TGFA: variants seen among roughly 807,000 people sequenced by gnomAD.
TGFA encodes the protein transforming growth factor alpha.
TGFA carries 12 observed loss-of-function variants against 21.7 expected under a neutral mutation model. The ratio of observed to expected loss-of-function variants is 0.55; its 90% CI spans 0.35 to 0.90. The LOEUF (loss-of-function observed/expected upper bound fraction) is 0.90. Ranked by LOEUF, TGFA falls within the 40% of genes least tolerant of loss-of-function variation. The pLI is 0.01. For synonymous variants in TGFA, 79 were observed against 88.1 expected, an observed-to-expected ratio of 0.90 and a Z score of 0.58; for missense variants, 178 against 210.8, an observed-to-expected ratio of 0.84 and a Z score of 0.96.
At chr2:70,499,808 G>A (rs1373140297) in intron 2 of TGFA, among the ~76,000 whole-genome samples, 1 of 152,200 alleles carries the variant, frequency 6.6e-6, no homozygotes, top group Non-Finnish European at 1.5e-5. Flanking sequence ...ACTGAGGAAG[G>A]ATGACCCTGG....
intron 1 of TGFA, among the ~76,000 whole-genome samples, chr2:70,537,529 A>G (rs1166723844): frequency 6.6e-6 from 1 of 152,268 alleles, no homozygotes; most frequent in Admixed American, 6.5e-5. Context: ...GTGCTACTCC[A>G]GTGAATACAC....
At chr2:70,517,267 C>A (rs910697062) in intron 1 of TGFA, among the ~76,000 whole-genome samples, 1 of 152,202 alleles carries the variant, frequency 6.6e-6, no homozygotes. Context: ...CCTTTCTATA[C>A]CCTCACGGAA....
chr2:70,523,396 G>A (rs1553502577), intron 1 of TGFA, among the ~76,000 whole-genome samples: 1 of 152,190 alleles, frequency 6.6e-6, no homozygotes, highest in African/African-American at 2.4e-5. Context: ...CAATCCAGAT[G>A]ATTGAAGCAA....
intron 1 of TGFA, among the ~76,000 whole-genome samples, chr2:70,523,325 G>A (rs782146240): frequency 5.3e-5 from 8 of 152,164 alleles, no homozygotes; most frequent in Non-Finnish European, 1.0e-4. Flanking sequence ...GTGAACGTTC[G>A]TTGTGAATGT....
chr2:70,490,251 G>A (rs1226551071), intron 2 of TGFA, among the ~76,000 whole-genome samples: 11 of 152,164 alleles, frequency 7.2e-5, no homozygotes, highest in African/African-American at 2.2e-4. Context: ...TTACCATATA[G>A]TGTCAATAAA....
chr2:70,452,036 T>C (rs1670075171), intron 5 of TGFA, among the ~76,000 whole-genome samples: 1 of 152,154 alleles, frequency 6.6e-6, no homozygotes, highest in Non-Finnish European at 1.5e-5. Flanking sequence ...AACACATATG[T>C]TCTTGGGGCT....
intron 1 of TGFA, among the ~76,000 whole-genome samples, chr2:70,519,740 AT>A (rs1456419789): frequency 6.6e-6 from 1 of 152,250 alleles, no homozygotes; most frequent in Non-Finnish European, 1.5e-5. Context: ...GCTCATAGGA[AT>A]TTTCCATATC....
At chr2:70,467,829 G>A (rs1244616172) in intron 2 of TGFA, 1 of 152,164 alleles carries the variant, frequency 6.6e-6, no homozygotes, top group Non-Finnish European at 1.5e-5. Context: ...ATAATTCCAG[G>A]GGGGAAAAGC....
intron 2 of TGFA, among the ~76,000 whole-genome samples, chr2:70,472,580 G>A (rs1463981257): frequency 6.6e-6 from 1 of 152,152 alleles, no homozygotes; most frequent in Non-Finnish European, 1.5e-5. Context: ...ATTCACAGGA[G>A]GGGTCTCCGT....
At chr2:70,529,596 C>CCT (rs1559137777) in intron 1 of TGFA, among the ~76,000 whole-genome samples, 1 of 136,144 alleles carries the variant, frequency 7.3e-6, no homozygotes, top group Non-Finnish European at 1.5e-5. Flanking sequence ...AATCCCCCCG[C>CCT]CCCAGTCCTA....
intron 2 of TGFA, among the ~76,000 whole-genome samples, chr2:70,507,284 A>G (rs1671955697): frequency 6.6e-6 from 1 of 152,280 alleles, no homozygotes; most frequent in Non-Finnish European, 1.5e-5. Context: ...TAGACACTGG[A>G]AAAACAGGAA....
intron 2 of TGFA, among the ~76,000 whole-genome samples, chr2:70,510,626 C>T (rs1672067050): frequency 6.6e-6 from 1 of 152,178 alleles, no homozygotes; most frequent in South Asian, 2.1e-4. Context: ...TGATCTCTCA[C>T]CTCCAGCCTC....
At chr2:70,470,915 C>G (rs971603815) in intron 2 of TGFA, among the ~76,000 whole-genome samples, 1 of 151,976 alleles carries the variant, frequency 6.6e-6, no homozygotes, top group African/African-American at 2.4e-5. Flanking sequence ...TCAAAAGTTT[C>G]AAGACATTTT....
At chr2:70,457,743 T>C (rs1553490819) in intron 3 of TGFA, among the ~76,000 whole-genome samples, 2 of 152,116 alleles carry the variant, frequency 1.3e-5, no homozygotes, top group African/African-American at 4.8e-5. Context: ...GGTTTCACCA[T>C]GTTGGCCACG....
chr2:70,511,837 T>A (rs1295146232), intron 2 of TGFA, among the ~76,000 whole-genome samples: 1 of 152,074 alleles, frequency 6.6e-6, no homozygotes, highest in East Asian at 1.9e-4. Context: ...CTTCTGTGGA[T>A]GAAGGTTTCT....
chr2:70,492,251 T>G (rs988852689), intron 2 of TGFA, among the ~76,000 whole-genome samples: 5 of 152,172 alleles, frequency 3.3e-5, no homozygotes, highest in Non-Finnish European at 7.4e-5. Context: ...AACCTATAAT[T>G]GCACCTTAAC....
At chr2:70,503,609 G>A (rs1288959728) in intron 2 of TGFA, among the ~76,000 whole-genome samples, 4 of 150,282 alleles carry the variant, frequency 2.7e-5, no homozygotes, top group Non-Finnish European at 4.4e-5. Context: ...ACTTGCCTAA[G>A]GTCATAGTCC....
At chr2:70,486,648 A>G (rs1671279242) in intron 2 of TGFA, among the ~76,000 whole-genome samples, 1 of 151,760 alleles carries the variant, frequency 6.6e-6, no homozygotes, top group South Asian at 2.1e-4. Context: ...TTTTTTGTAG[A>G]GATGAGGATT....
At chr2:70,516,320 G>GC (rs140102358) in intron 1 of TGFA, among the ~76,000 whole-genome samples, 3,786 of 152,266 alleles carry the variant, frequency 0.025, 161 homozygotes, top group African/African-American at 0.086. Context: ...AGGGTTCCTT[G>GC]CCCCTTTTCA....
Sources: allele counts gnomAD v4.1 joint callset (sites outside exome capture counted in the v4.1 genomes callset), GRCh38; gene constraint gnomAD v4.1.1; transcripts MANE v1.5; gene names NCBI Gene and HGNC (gene_info 2026-07-23, HGNC 2026-07-21).